Variants in DACH1 observed in about 807,000 individuals in gnomAD.
DACH1 encodes dachshund family transcription factor 1.
A neutral mutation model predicts 54.2 loss-of-function variants in DACH1; 12 were observed. That is an observed-to-expected ratio of 0.22 (90% CI 0.14 to 0.36). The LOEUF is 0.36. Among genes scored for constraint, DACH1 ranks in the 10% least tolerant of loss-of-function variants. The pLI, the probability that DACH1 is intolerant of heterozygous loss-of-function variation, is 1.00. For missense variants in DACH1, 805 were observed against 929.8 expected (o/e 0.87, Z 1.75); for synonymous variants, 386 against 366.2 (o/e 1.05, Z -0.62).
At chr13:71,518,482 A>G (rs986514410) in intron 6 of DACH1, among the ~76,000 whole-genome samples, 2 of 151,868 alleles carry the variant, frequency 1.3e-5, no homozygotes, top group Non-Finnish European at 2.9e-5. Context: ...CTGTCTCCCA[A>G]TTCTACAGTG....
intron 2 of DACH1, among the ~76,000 whole-genome samples, chr13:71,645,177 G>A (rs1878180756): frequency 6.6e-6 from 1 of 152,126 alleles, no homozygotes; most frequent in African/African-American, 2.4e-5. Flanking sequence ...AGTTTAGGAG[G>A]GGAAGCATTG....
At position 71,866,468 on chromosome 13, in the gene DACH1, C is replaced by T. The variant is rs1407980226; in HGVS notation, c.302G>A (p.Gly101Asp). Residue 101 changes from glycine (G) to aspartate (D), a missense_variant, in exon 1 of 11, where the codon GGC (glycine) becomes GAC (aspartate). Gly to Asp is a moderately conservative substitution (Grantham distance 94). Around this residue, in one of 3 missense-constraint regions of DACH1, gnomAD observed 305 missense variants for 308.7 expected, o/e 0.99. Transcript: ENST00000613252. ...NGGGGGGGGG[G>D]SNCNPNLAAA... The stretch of plus-strand genomic sequence containing the variant: ...CGCCAGGTTGGGGTTGCAGTTGCTG[C>T]CACCGCCGCCGCCGCCACCGCCGCC... 3.9e-6 allele frequency: 5 copies of T among 1,280,540 alleles called. No individual in the cohort carries two copies. Among genetic ancestry groups the T allele is most frequent in the Admixed American group, 6.8e-5 (2 of 29,470 alleles). 79.3% of individuals were successfully genotyped at this position (1,280,540 alleles called of 1,614,324 possible).
chr13:71,461,879 G>A (rs1876105400), intron 10 of DACH1, among the ~76,000 whole-genome samples: 1 of 151,856 alleles, frequency 6.6e-6, no homozygotes, highest in South Asian at 2.1e-4. Context: ...TTTTACCATA[G>A]AAATCAAATA....
intron 1 of DACH1, among the ~76,000 whole-genome samples, chr13:71,731,451 C>A (rs999676512): frequency 6.6e-6 from 1 of 151,862 alleles, no homozygotes; most frequent in Non-Finnish European, 1.5e-5. Flanking sequence ...ACCCGGCTAA[C>A]GTTTTGTATT....
In DACH1 at chr13:71,586,617, TATATA is replaced by T. The variant is rs1307533868; in HGVS notation, c.1127-13610_1127-13606del. On this transcript the variant is annotated intron_variant, in intron 3 of 10. Transcript: ENST00000613252. ...AATACTGACCTCTCAAAAATGACAA[TATATA>T]ATATATCGTGTAGGCAATAATTTCC... Among the ~76,000 whole-genome samples the T allele has an allele frequency of 2.0e-5, 3 of 152,188 alleles. No individual in the cohort carries two copies. The East Asian group carries it at 5.8e-4, about 29-fold the overall frequency.
intron 1 of DACH1, among the ~76,000 whole-genome samples, chr13:71,775,126 GCTT>G (rs1886010133): frequency 1.6e-5 from 1 of 62,664 alleles, no homozygotes; most frequent in East Asian, 3.8e-4. Flanking sequence ...CTCAACACAA[GCTT>G]TTTTTTTTTT....
intron 3 of DACH1, among the ~76,000 whole-genome samples, chr13:71,605,341 T>C (rs1051500691): frequency 1.3e-5 from 2 of 151,834 alleles, no homozygotes; most frequent in Non-Finnish European, 2.9e-5. Flanking sequence ...TAATATGATA[T>C]TATATTTGAA....
At chr13:71,777,921 A>G (rs1490267789) in intron 1 of DACH1, among the ~76,000 whole-genome samples, 1 of 151,872 alleles carries the variant, frequency 6.6e-6, no homozygotes, top group Non-Finnish European at 1.5e-5. Flanking sequence ...GTTTGAGACC[A>G]GCCTGGGTAA....
intron 1 of DACH1, among the ~76,000 whole-genome samples, chr13:71,726,805 T>C (rs114370461): frequency 6.6e-6 from 1 of 152,046 alleles, no homozygotes; most frequent in Non-Finnish European, 1.5e-5. Flanking sequence ...ATCTAATATA[T>C]CTCTTATTAA....
chr13:71,709,609 C>T (rs1384803115), intron 1 of DACH1, among the ~76,000 whole-genome samples: 1 of 152,094 alleles, frequency 6.6e-6, no homozygotes, highest in Non-Finnish European at 1.5e-5. Context: ...GTGAAAAGGC[C>T]AGAGTAGTGA....
At chr13:71,520,803 T>A (rs796588749) in intron 6 of DACH1, among the ~76,000 whole-genome samples, 4 of 151,700 alleles carry the variant, frequency 2.6e-5, no homozygotes, top group African/African-American at 9.7e-5. Context: ...AAAGGGAAAT[T>A]TAAAATCAAT....
intron 2 of DACH1, among the ~76,000 whole-genome samples, chr13:71,671,531 A>G (rs1183275542): frequency 6.6e-6 from 1 of 152,074 alleles, no homozygotes; most frequent in African/African-American, 2.4e-5. Flanking sequence ...ATAAAATAGA[A>G]TCCACATATT....
chr13:71,849,009 T>C (rs1873482712), intron 1 of DACH1, among the ~76,000 whole-genome samples: 2 of 152,296 alleles, frequency 1.3e-5, no homozygotes, highest in East Asian at 1.9e-4. Context: ...CTGACTCTTC[T>C]TATGACCCTA....
At chr13:71,816,126 A>G (rs981438629) in intron 1 of DACH1, among the ~76,000 whole-genome samples, 9 of 152,218 alleles carry the variant, frequency 5.9e-5, no homozygotes, top group African/African-American at 1.7e-4. Flanking sequence ...CAGATTAACC[A>G]AAACTAAGAT....
chr13:71,802,177 A>G (rs1439889764), intron 1 of DACH1, among the ~76,000 whole-genome samples: 2 of 152,044 alleles, frequency 1.3e-5, no homozygotes, highest in African/African-American at 4.8e-5. Context: ...CTGTCTGATT[A>G]AAGCATTTTA....
intron 4 of DACH1, among the ~76,000 whole-genome samples, chr13:71,570,531 A>G (rs1885134570): frequency 6.6e-6 from 1 of 152,148 alleles, no homozygotes; most frequent in Non-Finnish European, 1.5e-5. Flanking sequence ...TACTATTACC[A>G]TTTACATCAA....
rs148379666 is a variant in DACH1 at position 71,485,964 on chromosome 13, T to C, written c.1722+3033A>G. Among the ~76,000 whole-genome samples, 632 of 151,988 alleles carry C rather than the reference T, an allele frequency of 4.2e-3. 2 individuals carry two copies. The highest frequency in any genetic ancestry group is 0.014 in the African/African-American group (588 of 41,546). ...AAAAGTCTGGTGCCCAATTTTTATA[T>C]ATATGTACATTTTATAAATTTAAAT... is the stretch of plus-strand genomic sequence containing the variant. On this transcript the variant is annotated intron_variant, in intron 7 of 10. Coordinates refer to ENST00000613252, the MANE Select transcript of DACH1 (RefSeq NM_080759.6).
chr13:71,573,615 C>T (rs1885358480), intron 3 of DACH1: 2 of 452,836 alleles, frequency 4.4e-6, no homozygotes, highest in African/African-American at 4.1e-5. Flanking sequence ...TAATATTATT[C>T]CAAATCTTCC....
At chr13:71,664,649 GAA>G (rs1472824152) in intron 2 of DACH1, among the ~76,000 whole-genome samples, 2 of 152,054 alleles carry the variant, frequency 1.3e-5, no homozygotes, top group East Asian at 3.9e-4. Flanking sequence ...AAAATGGAAA[GAA>G]ATAGGATATT....
Sources: gnomAD v4.1 joint callset for allele counts (sites outside exome capture counted in the v4.1 genomes callset) on GRCh38, gnomAD v4.1.1 for gene constraint, gnomAD v4.1.1 regional missense constraint, MANE v1.5 for transcripts, NCBI Gene and HGNC (gene_info 2026-07-23, HGNC 2026-07-21) for gene names.